Variants in OXR1 observed in about 807,000 individuals in gnomAD.
OXR1 encodes the protein oxidation resistance 1.
Under a neutral mutation model 104.6 loss-of-function variants are expected in OXR1, and 41 were observed. The ratio of observed to expected loss-of-function variants is 0.39; its 90% CI spans 0.31 to 0.51. The LOEUF (loss-of-function observed/expected upper bound fraction) is 0.51, where lower values mean the gene tolerates loss of function less well. Ranked by LOEUF, OXR1 falls within the 20% of genes least tolerant of loss-of-function variation. OXR1 has a pLI of 0.77. For missense variants in OXR1, 955 were observed against 1,031.9 expected (o/e 0.93, Z 1.02); for synonymous variants, 348 against 348.4 (o/e 1.00, Z 0.01).
At chr8:106,313,813 T>C (rs1813816362) in intron 1 of OXR1, among the ~76,000 whole-genome samples, 1 of 152,188 alleles carries the variant, frequency 6.6e-6, no homozygotes, top group Admixed American at 6.6e-5. Context: ...CCTATCACAC[T>C]CAACATTGAA....
chr8:106,524,697 G>T (rs1813523938), intron 3 of OXR1, among the ~76,000 whole-genome samples: 1 of 152,140 alleles, frequency 6.6e-6, no homozygotes, highest in African/African-American at 2.4e-5. Flanking sequence ...GAAAGAGCGT[G>T]CCTGGTTGAA....
intron 2 of OXR1, among the ~76,000 whole-genome samples, chr8:106,489,892 TA>T (rs1810961169): frequency 6.6e-6 from 1 of 152,168 alleles, no homozygotes; most frequent in South Asian, 2.1e-4. Context: ...TTCCTGTACA[TA>T]AGGTGATCAT....
chr8:106,634,089 G>A (rs1443605723), intron 3 of OXR1, among the ~76,000 whole-genome samples: 3 of 152,142 alleles, frequency 2.0e-5, no homozygotes, highest in Non-Finnish European at 2.9e-5. Context: ...AAATTTCCAT[G>A]ATAAACTATC....
At chr8:106,737,626 C>T in intron 12 of OXR1, 26 bp downstream of exon 12, 1 of 984,746 alleles carries the variant, frequency 1.0e-6, no homozygotes, top group Non-Finnish European at 1.4e-6. Flanking sequence ...GTTTAAACCC[C>T]TCCAGAGACT....
intron 2 of OXR1, among the ~76,000 whole-genome samples, chr8:106,422,053 A>G (rs1818927293): frequency 6.6e-6 from 1 of 152,124 alleles, no homozygotes; most frequent in Admixed American, 6.6e-5. Context: ...GGGGTTCATT[A>G]TCACTGGCTT....
chr8:106,554,459 G>A (rs896601311), intron 3 of OXR1, among the ~76,000 whole-genome samples: 4 of 152,182 alleles, frequency 2.6e-5, no homozygotes, highest in African/African-American at 9.7e-5. Flanking sequence ...CTAGAAAATG[G>A]ACATTACTAT....
rs369326754 is a variant in OXR1, at chr8:106,713,813, C to G, written c.1794-10C>G. 6.7e-7 allele frequency: 1 copy of G among 1,498,160 alleles called. No individual in the cohort carries two copies. The highest frequency in any genetic ancestry group is 8.9e-7 in the Non-Finnish European group (1 of 1,128,468). The allele number at this position is 1,498,160 out of a possible 1,614,324, so 92.8% of individuals were successfully genotyped here. ...ATACTAGGTATATTAATAGTCACTT[C>G]TCCTAACAGGACAGATCACTTGTAT... On this transcript the variant is annotated splice_polypyrimidine_tract_variant and intron_variant, in intron 10 of 16. Transcript: ENST00000517566.
At chr8:106,398,527 C>A (rs1817874939) in intron 2 of OXR1, among the ~76,000 whole-genome samples, 1 of 152,134 alleles carries the variant, frequency 6.6e-6, no homozygotes, top group Non-Finnish European at 1.5e-5. Context: ...GTGATCACAA[C>A]CCTTTCTATT....
At chr8:106,386,084 A>G (rs1817359682) in intron 2 of OXR1, among the ~76,000 whole-genome samples, 1 of 152,170 alleles carries the variant, frequency 6.6e-6, no homozygotes, top group South Asian at 2.1e-4. Flanking sequence ...CAGCAGCAGC[A>G]GCAGCAAGGT....
At chr8:106,417,751 A>C (rs1754981613) in intron 2 of OXR1, among the ~76,000 whole-genome samples, 1 of 152,160 alleles carries the variant, frequency 6.6e-6, no homozygotes, top group South Asian at 2.1e-4. Context: ...CCCATAAAGT[A>C]TGAAGTATTG....
chr8:106,433,044 C>A (rs1819425959), intron 2 of OXR1, among the ~76,000 whole-genome samples: 1 of 152,142 alleles, frequency 6.6e-6, no homozygotes, highest in African/African-American at 2.4e-5. Context: ...ACGAGAATTG[C>A]AATGGATAAA....
chr8:106,481,351 C>G (rs2129746718), intron 2 of OXR1, among the ~76,000 whole-genome samples: 1 of 151,972 alleles, frequency 6.6e-6, no homozygotes, highest in Admixed American at 6.6e-5. Context: ...TAAAGAGTTT[C>G]AACAATAAAG....
At chr8:106,392,563 TTATGATATGCAGTGATGATATTATTGCA>T (rs1817625419) in intron 2 of OXR1, among the ~76,000 whole-genome samples, 1 of 152,164 alleles carries the variant, frequency 6.6e-6, no homozygotes, top group African/African-American at 2.4e-5. Flanking sequence ...AACCTGTTGC[TTATGATATGCAGTGATGATATTATTGCA>T]TATGATATGC....
intron 3 of OXR1, among the ~76,000 whole-genome samples, chr8:106,561,481 G>C (rs903984636): frequency 2.0e-5 from 3 of 152,180 alleles, no homozygotes; most frequent in African/African-American, 7.2e-5. Context: ...ACAGTCAGGG[G>C]CTTATAGATA....
At chr8:106,641,042 C>T (rs1238281221) in intron 3 of OXR1, among the ~76,000 whole-genome samples, 1 of 152,208 alleles carries the variant, frequency 6.6e-6, no homozygotes, top group Non-Finnish European at 1.5e-5. Flanking sequence ...AGTAGTATAA[C>T]TCTACAAGTT....
intron 1 of OXR1, among the ~76,000 whole-genome samples, chr8:106,285,670 A>G (rs538589330): frequency 1.1e-4 from 16 of 152,010 alleles, no homozygotes; most frequent in Admixed American, 2.0e-4. Context: ...TTGCATATTG[A>G]TTCTGCATCG....
At chr8:106,306,198 T>C (rs1310400729) in intron 1 of OXR1, among the ~76,000 whole-genome samples, 1 of 152,112 alleles carries the variant, frequency 6.6e-6, no homozygotes, top group Non-Finnish European at 1.5e-5. Flanking sequence ...GGGGCAATAT[T>C]AGACATAAGT....
At chr8:106,338,244 T>A (rs1178805142) in intron 1 of OXR1, among the ~76,000 whole-genome samples, 2 of 152,026 alleles carry the variant, frequency 1.3e-5, no homozygotes, top group Non-Finnish European at 2.9e-5. Flanking sequence ...CGAATCAGAT[T>A]AATAAGGAAG....
chr8:106,706,909 G>A lies in OXR1; in HGVS notation c.1388G>A (p.Ser463Asn). Residue 463 changes from serine to asparagine, a missense_variant, in exon 9 of 17, where the codon AGT becomes AAT. Coordinates refer to ENST00000517566, the MANE Select transcript of OXR1 (RefSeq NM_001198533.2). ...LHENSLHQEE[S>N]QKENMPCGET... ...GAGAATTCGTTACACCAAGAAGAGA[G>A]TCAAAAAGAAAATATGCCTTGTGGG... The A allele has an allele frequency of 6.2e-7, 1 of 1,612,344 alleles. No individual in the cohort carries two copies. The highest frequency in any genetic ancestry group is 8.5e-7 in the Non-Finnish European group (1 of 1,179,690).
Sources: gnomAD v4.1 joint callset for allele counts (sites outside exome capture counted in the v4.1 genomes callset) on GRCh38, gnomAD v4.1.1 for gene constraint, MANE v1.5 for transcripts, NCBI Gene and HGNC (gene_info 2026-07-23, HGNC 2026-07-21) for gene names.